The following NINJ1 variants were observed in gnomAD, a reference collection of about 807,000 sequenced individuals.
NINJ1 encodes the protein ninjurin 1.
A neutral mutation model predicts 12.7 loss-of-function variants in NINJ1; 6 were observed. The observed-to-expected ratio is 0.47, with a 90% CI of 0.26 to 0.93. The LOEUF (loss-of-function observed/expected upper bound fraction) is 0.93, where lower values mean the gene tolerates loss of function less well. Among genes scored for constraint, NINJ1 ranks in the 40% least tolerant of loss-of-function variants. The pLI is 0.15. For missense variants in NINJ1, 170 were observed against 213.0 expected (o/e 0.80, Z 1.26); for synonymous variants, 100 against 96.0 (o/e 1.04, Z -0.25).
chr9:93,132,667 G>A (rs1047407194), intron 1 of NINJ1, among the ~76,000 whole-genome samples: 7 of 152,202 alleles, frequency 4.6e-5, no homozygotes, highest in East Asian at 1.9e-4. Flanking sequence ...CTCTCCAACC[G>A]CGGCTTGGTG....
chr9:93,127,372 C>G (rs995891919), intron 1 of NINJ1, among the ~76,000 whole-genome samples: 15 of 152,220 alleles, frequency 9.9e-5, no homozygotes, highest in African/African-American at 3.6e-4. Context: ...TCCTCTTTGC[C>G]TTAGGGGCCT....
At position 93,126,625 on chromosome 9, in the gene NINJ1, C is replaced by T; in HGVS notation, c.89G>A (p.Gly30Asp). 6.2e-7 allele frequency: 1 copy of T among 1,601,624 alleles called. No individual in the cohort carries two copies. The change falls in exon 2 of 4, where the codon GGC becomes GAC. Residue 30 changes from glycine to aspartate, a missense_variant. Coordinates refer to ENST00000375446, the MANE Select transcript of NINJ1 (RefSeq NM_004148.4). ...GSPDASPARW[G>D]WRHGPINVNH... The stretch of plus-strand genomic sequence containing the variant: ...CACGTTGATGGGCCCGTGCCTCCAG[C>T]CCCAGCGGGCCGGCTGCAGGGAGGG...
rs558717821 is a variant in NINJ1, at chr9:93,122,136, T to G, written c.*104A>C. 1 of 152,698 alleles carries G rather than the reference T, an allele frequency of 6.5e-6. No individual in the cohort carries two copies. Among genetic ancestry groups the G allele is most frequent in the East Asian group, 1.9e-4 (1 of 5,184 alleles). The allele number at this position is 152,698 out of a possible 1,614,324, so 9.5% of individuals were successfully genotyped here. On this transcript the variant is annotated 3_prime_UTR_variant, in exon 4 of 4. Transcript: ENST00000375446. ...GAGGCCAGCCTGGGCTCTGGCAGTC[T>G]GGGTAGTGCCATGTGCAGGGAGGTG...
At chr9:93,122,853 G>A (rs553175774) in intron 3 of NINJ1, among the ~76,000 whole-genome samples, 1 of 152,234 alleles carries the variant, frequency 6.6e-6, no homozygotes, top group Admixed American at 6.5e-5. Flanking sequence ...CTTCCCGGCA[G>A]GCAGATAACT....
chr9:93,129,327 C>T (rs1049268389), intron 1 of NINJ1, among the ~76,000 whole-genome samples: 2 of 152,220 alleles, frequency 1.3e-5, no homozygotes, highest in African/African-American at 2.4e-5. Flanking sequence ...CAGCTGTGTC[C>T]GGACAACTAG....
rs528003879 is a variant in NINJ1, at chr9:93,130,326, T to A, written c.76-3688A>T. Among the ~76,000 whole-genome samples the A allele has an allele frequency of 3.9e-5, 6 of 152,268 alleles. No individual in the cohort carries two copies. The East Asian group carries it at 1.2e-3, about 29-fold the overall frequency. On this transcript the variant is annotated intron_variant, in intron 1 of 3. Coordinates refer to ENST00000375446, the MANE Select transcript of NINJ1 (RefSeq NM_004148.4). ...GGTCCTAGGGCCACTTCAGTGAGCA[T>A]CCTCAGCTCAGGCAGGAGGGGCTGG...
intron 1 of NINJ1, among the ~76,000 whole-genome samples, chr9:93,133,295 C>A (rs560045463): frequency 1.2e-4 from 18 of 152,236 alleles, no homozygotes; most frequent in Non-Finnish European, 2.1e-4. Flanking sequence ...GTCTGGTCCA[C>A]GCCATGGAGA....
At chr9:93,130,542 A>G (rs1827878195) in intron 1 of NINJ1, among the ~76,000 whole-genome samples, 1 of 152,180 alleles carries the variant, frequency 6.6e-6, no homozygotes, top group African/African-American at 2.4e-5. Flanking sequence ...GGAAGCTGCC[A>G]CAGCACCTCC....
intron 1 of NINJ1, among the ~76,000 whole-genome samples, chr9:93,131,854 CT>C (rs1827898783): frequency 6.6e-6 from 1 of 152,290 alleles, no homozygotes; most frequent in East Asian, 1.9e-4. Flanking sequence ...CTCCCTGAGC[CT>C]TGTCCACCCT....
At chr9:93,129,933 C>G (rs756318838) in intron 1 of NINJ1, among the ~76,000 whole-genome samples, 41 of 152,212 alleles carry the variant, frequency 2.7e-4, no homozygotes, top group Admixed American at 2.3e-3. Context: ...CACTCTCCCC[C>G]AGTCCTGGGC....
chr9:93,123,608 A>G (rs1827767549), intron 3 of NINJ1, among the ~76,000 whole-genome samples: 1 of 152,086 alleles, frequency 6.6e-6, no homozygotes, highest in Admixed American at 6.5e-5. Flanking sequence ...TATATCCTTG[A>G]CACACAGGCG....
chr9:93,124,524 C>T (rs1278084739), intron 3 of NINJ1, among the ~76,000 whole-genome samples: 2 of 152,172 alleles, frequency 1.3e-5, no homozygotes, highest in African/African-American at 4.8e-5. Context: ...ATCTGCCCGC[C>T]TCAGCCTCCC....
At chr9:93,132,645 TG>T (rs919590637) in intron 1 of NINJ1, among the ~76,000 whole-genome samples, 1 of 152,232 alleles carries the variant, frequency 6.6e-6, no homozygotes, top group Non-Finnish European at 1.5e-5. Context: ...CTGCCCTGTC[TG>T]GGCTGGGCTG....
At position 93,124,957 on chromosome 9, in the gene NINJ1, GTGA is replaced by G; in HGVS notation, c.407_409del (p.Ile136del). ...CAAGGGCTTCTGGACCCCGAAGGCC[GTGA>G]TGAAGATGTTGACTACCACGATGAT... is the stretch of plus-strand genomic sequence containing the variant. On this transcript the variant is annotated inframe_deletion, in exon 3 of 4. Coordinates refer to ENST00000375446, the MANE Select transcript of NINJ1 (RefSeq NM_004148.4). 1.2e-6 allele frequency: 2 copies of G among 1,614,064 alleles called. No homozygotes were observed. The highest frequency in any genetic ancestry group is 1.7e-6 in the Non-Finnish European group (2 of 1,179,962).
intron 1 of NINJ1, among the ~76,000 whole-genome samples, chr9:93,127,740 C>A (rs997400479): frequency 1.3e-5 from 2 of 152,246 alleles, no homozygotes; most frequent in South Asian, 2.1e-4. Context: ...CCTCCCAGGA[C>A]TGGTCACCTG....
chr9:93,127,904 C>T (rs1425075069), intron 1 of NINJ1, among the ~76,000 whole-genome samples: 3 of 152,236 alleles, frequency 2.0e-5, no homozygotes, highest in Non-Finnish European at 4.4e-5. Context: ...ATCCAGGCCT[C>T]GACTTTCTGC....
At chr9:93,133,863 C>G (rs1024150173) in intron 1 of NINJ1, among the ~76,000 whole-genome samples, 1 of 152,212 alleles carries the variant, frequency 6.6e-6, no homozygotes, top group South Asian at 2.1e-4. Flanking sequence ...CCGAGGCCCC[C>G]TCCGCCGTGC....
At chr9:93,131,799 G>A (rs909300144) in intron 1 of NINJ1, among the ~76,000 whole-genome samples, 2 of 152,200 alleles carry the variant, frequency 1.3e-5, no homozygotes, top group Non-Finnish European at 2.9e-5. Flanking sequence ...TCCCACGGCC[G>A]TGGCCCAACA....
chr9:93,126,262 T>A, intron 2 of NINJ1, 148 bp downstream of exon 2: 1 of 633,506 alleles, frequency 1.6e-6, no homozygotes, highest in South Asian at 2.0e-5. Context: ...TGCCACTTCC[T>A]GGACTGCATG....
Sources: gnomAD v4.1 joint callset for allele counts (sites outside exome capture counted in the v4.1 genomes callset) on GRCh38, gnomAD v4.1.1 for gene constraint, MANE v1.5 for transcripts, NCBI Gene and HGNC (gene_info 2026-07-23, HGNC 2026-07-21) for gene names.